The following APTX variants were observed in gnomAD, a reference collection of about 807,000 sequenced individuals.
APTX encodes the protein aprataxin, also known as forkhead-associated domain histidine triad-like protein.
A neutral mutation model predicts 42.3 loss-of-function variants in APTX; 33 were observed. The observed-to-expected ratio is 0.78, with a 90% CI of 0.59 to 1.04. The LOEUF is 1.04. Among genes scored for constraint, APTX ranks in the 50% least tolerant of loss-of-function variants. The pLI is 0.00. For missense variants in APTX, 421 were observed against 415.1 expected, an observed-to-expected ratio of 1.01 and a Z score of -0.12; for synonymous variants, 130 against 146.7, an observed-to-expected ratio of 0.89 and a Z score of 0.82.
chr9:32,986,777 A>G (rs1022027466), intron 4 of APTX, among the ~76,000 whole-genome samples: 1 of 151,820 alleles, frequency 6.6e-6, no homozygotes, highest in African/African-American at 2.4e-5. Context: ...CTGGGATTAC[A>G]GGCGTGAGCC....
upstream of APTX, among the ~76,000 whole-genome samples, chr9:33,004,167 G>C (rs1162636609): frequency 6.6e-6 from 1 of 152,202 alleles, no homozygotes; most frequent in Non-Finnish European, 1.5e-5. Context: ...AAGTAACTCA[G>C]GAATGGAAAA....
chr9:32,973,689 C>A, intron 7 of APTX, 37 bp from the exon 8 acceptor site: 2 of 1,599,254 alleles, frequency 1.3e-6, no homozygotes, highest in South Asian at 1.1e-5. Flanking sequence ...CCCAGCTACT[C>A]TGGAAAACCA....
rs116891981 is a variant in APTX at position 33,007,168 on chromosome 9, G to A, written c.-4-17273C>T. Among the ~76,000 whole-genome samples the A allele has an allele frequency of 5.3e-3, 802 of 152,200 alleles. 6 individuals are homozygous for A. Among genetic ancestry groups the A allele is most frequent in the Middle Eastern group, 0.014 (4 of 294 alleles). ...AAACTGAGGAAAGAGCATGTACAAA[G>A]GCCCAATAGCAGGGCTTTTAGATTA... On this transcript the variant is annotated intron_variant, in intron 1 of 6. Coordinates refer to the APTX transcript ENST00000436040.
intron 1 of APTX, among the ~76,000 whole-genome samples, chr9:33,020,781 T>C (rs1183763369): frequency 1.3e-5 from 2 of 152,256 alleles, no homozygotes; most frequent in Admixed American, 6.5e-5. Context: ...ACTTTGCTCC[T>C]GCCAGGCCTC....
At position 33,017,280 on chromosome 9, in the gene APTX, T is replaced by C. The variant is rs986406087; in HGVS notation, c.-5+7743A>G. ...GATAGACTGGCTATGAATCGGGGTG[T>C]CTTCATCTATTTGAGCTGCTATAAC... is the stretch of plus-strand genomic sequence containing the variant. On this transcript the variant is annotated intron_variant, in intron 1 of 6. Coordinates refer to the APTX transcript ENST00000436040. Among the ~76,000 whole-genome samples, 4 of 152,216 alleles carry C rather than the reference T, an allele frequency of 2.6e-5. No homozygotes were observed. The East Asian group carries it at 7.7e-4, about 29-fold the overall frequency.
chr9:33,001,361 C>G lies in APTX; in HGVS notation c.-5+206G>C, dbSNP rs1188266497. 4 of 1,529,666 alleles carry G rather than the reference C, an allele frequency of 2.6e-6. No homozygotes were observed. In the Admixed American group the frequency reaches 7.9e-5, roughly 30 times the overall value. The allele number at this position is 1,529,666 out of a possible 1,614,324, so 94.8% of individuals were successfully genotyped here. A position where few individuals can be genotyped will look rare whatever the true frequency, so the allele number is the denominator to read the frequency against. On this transcript the variant is annotated intron_variant, in intron 1 of 7. Transcript: ENST00000379817. ...TGTCGGGAGCACACGTGAACAAACG[C>G]AAAGTGGGTCGAAGACCAACGCGAG...
intron 1 of APTX, among the ~76,000 whole-genome samples, chr9:33,006,999 C>CAAAAAAAAAAAAAAAAAAAAAAAAAAA (rs55924566): frequency 6.1e-5 from 3 of 49,444 alleles, no homozygotes; most frequent in Non-Finnish European, 1.0e-4. Flanking sequence ...GACTCTGTCT[C>CAAAAAAAAAAAAAAAAAAAAAAAAAAA]AAAAAAAAAA....
chr9:33,010,221 T>C (rs1025901695), intron 1 of APTX, among the ~76,000 whole-genome samples: 1 of 152,184 alleles, frequency 6.6e-6, no homozygotes, highest in African/African-American at 2.4e-5. Flanking sequence ...CTCCTCTTAC[T>C]AGTCAACTGG....
At position 32,973,528 on chromosome 9, in the gene APTX, T is replaced by C. The variant is rs1234547134; in HGVS notation, c.999A>G (p.Lys333=). ...GTGTCCAGTGCTTCCTGAGATGTTC[T>C]TTCAGCTGAGGAATGGAAGGCAGCA... The part of the protein sequence containing the change: ...QQLLPSIPQL[K]EHLRKHWTQ The change falls in exon 8 of 8, where the codon AAA becomes AAG. Residue 333 remains lysine (K), a synonymous_variant. Coordinates refer to ENST00000379817, the MANE Select transcript of APTX (RefSeq NM_001195248.2). The C allele has an allele frequency of 6.2e-7, 1 of 1,613,978 alleles. No individual in the cohort carries two copies. Among genetic ancestry groups the C allele is most frequent in the Non-Finnish European group, 8.5e-7 (1 of 1,180,024 alleles).
chr9:33,021,260 G>A (rs1180114442), intron 1 of APTX, among the ~76,000 whole-genome samples: 1 of 151,986 alleles, frequency 6.6e-6, no homozygotes, highest in Non-Finnish European at 1.5e-5. Context: ...TGAAGACCTA[G>A]TTTAAAAAAT....
At position 32,987,647 on chromosome 9, in the gene APTX, T is replaced by C; in HGVS notation, c.380A>G (p.Asp127Gly). 6.2e-7 allele frequency: 1 copy of C among 1,614,186 alleles called. No homozygotes were observed. Among genetic ancestry groups the C allele is most frequent in the Non-Finnish European group, 8.5e-7 (1 of 1,180,032 alleles). The change falls in exon 4 of 8, where the codon GAT becomes GGT. Residue 127 changes from aspartate (D) to glycine (G), a missense_variant. Physicochemically the swap from Asp to Gly is moderately conservative, Grantham distance 94 (BLOSUM62 -1). Transcript: ENST00000379817. ...RSGNSDSIER[D>G]AAQEAEAGTG... ...CCCAGCCTCAGCTTCCTGAGCAGCA[T>C]CCCTTTCTATAGAATCACTGTTGCC...
Position 32,973,092 on chromosome 9 carries a change from A to T in APTX, c.*406T>A, listed in dbSNP as rs923335458. ...GTATCTTCAGGATAAACAAGAGGCC[A>T]CTCTAGATGCTCTGATTAAAGGTTG... On this transcript the variant is annotated 3_prime_UTR_variant, in exon 8 of 8. Coordinates refer to ENST00000379817, the MANE Select transcript of APTX (RefSeq NM_001195248.2). 1.5e-5 allele frequency: 7 copies of T among 456,166 alleles called. No individual in the cohort carries two copies. Among genetic ancestry groups the T allele is most frequent in the Non-Finnish European group, 3.1e-5 (7 of 228,336 alleles). The allele number at this position is 456,166 out of a possible 1,614,324, so 28.3% of individuals were successfully genotyped here.
intron 1 of APTX, among the ~76,000 whole-genome samples, chr9:33,019,260 TGAA>T (rs1270990536): frequency 3.3e-5 from 5 of 151,936 alleles, no homozygotes; most frequent in Admixed American, 6.6e-5. Context: ...GGGGTAGGAA[TGAA>T]GGAGAGAGTT....
intron 1 of APTX, among the ~76,000 whole-genome samples, chr9:33,019,251 G>A (rs1198984599): frequency 6.6e-6 from 1 of 151,974 alleles, no homozygotes; most frequent in African/African-American, 2.4e-5. Flanking sequence ...TGGTGAGTGG[G>A]GGTAGGAATG....
intron 1 of APTX, among the ~76,000 whole-genome samples, chr9:33,000,625 C>CAAAAAAAAAAAA (rs60760701): frequency 1.3e-4 from 8 of 63,422 alleles, no homozygotes; most frequent in Admixed American, 8.1e-4. Flanking sequence ...GACTCTGTCT[C>CAAAAAAAAAAAA]AAAAAAAAAA....
chr9:33,013,701 G>C (rs1837700749), intron 1 of APTX, among the ~76,000 whole-genome samples: 1 of 152,200 alleles, frequency 6.6e-6, no homozygotes, highest in Non-Finnish European at 1.5e-5. Flanking sequence ...CAGCTACTCA[G>C]GAGGCTGAGA....
At chr9:33,021,870 AG>A (rs1459086406) in intron 1 of APTX, among the ~76,000 whole-genome samples, 7 of 151,772 alleles carry the variant, frequency 4.6e-5, no homozygotes, top group Non-Finnish European at 1.0e-4. Context: ...AGGTGTCTGT[AG>A]TCCCAAGTAC....
At position 32,974,481 on chromosome 9, in the gene APTX, G is replaced by A; in HGVS notation, c.851C>T (p.Thr284Ile). ...ACCTTGTGATTCTAGGAAGTATTCT[G>A]TATTGAAAGAATTCCAATGTTTTTT... Reference protein sequence around the residue: ...KNKKHWNSFNTEYFLESQAVI... With the variant: ...KNKKHWNSFNIEYFLESQAVI... Residue 284 changes from threonine (T) to isoleucine (I), a missense_variant, in exon 7 of 8, where the codon ACA (threonine) becomes ATA (isoleucine). Transcript: ENST00000379817. 6.3e-7 allele frequency: 1 copy of A among 1,598,130 alleles called. No homozygotes were observed. The highest frequency in any genetic ancestry group is 8.6e-7 in the Non-Finnish European group (1 of 1,165,890).
chr9:33,001,293 C>G, intron 1 of APTX: 1 of 1,488,072 alleles, frequency 6.7e-7, no homozygotes, highest in South Asian at 1.2e-5. Context: ...GGCCCATTCT[C>G]TAATATTTTT....
Sources: allele counts gnomAD v4.1 joint callset (sites outside exome capture counted in the v4.1 genomes callset), GRCh38; gene constraint gnomAD v4.1.1; transcripts MANE v1.5; gene names NCBI Gene and HGNC (gene_info 2026-07-23, HGNC 2026-07-21).